The following GRID2 variants were observed in gnomAD, a reference collection of about 807,000 sequenced individuals.
GRID2 encodes the protein glutamate ionotropic receptor delta type subunit 2.
GRID2 carries 33 observed loss-of-function variants against 114.8 expected under a neutral mutation model. That is an observed-to-expected ratio of 0.29 (90% CI 0.22 to 0.38). GRID2 has a LOEUF of 0.38. Among genes scored for constraint, GRID2 ranks in the 10% least tolerant of loss-of-function variants. The pLI is 1.00. For synonymous variants in GRID2, 505 were observed against 449.9 expected, an observed-to-expected ratio of 1.12 and a Z score of -1.55; for missense variants, 1,184 against 1,257.7, an observed-to-expected ratio of 0.94 and a Z score of 0.89.
At chr4:92,779,139 T>C (rs917915791) in intron 2 of GRID2, among the ~76,000 whole-genome samples, 1 of 151,920 alleles carries the variant, frequency 6.6e-6, no homozygotes, top group Non-Finnish European at 1.5e-5. Flanking sequence ...AGCATTTCTA[T>C]TGAAGCAAAC....
intron 8 of GRID2, among the ~76,000 whole-genome samples, chr4:93,284,142 C>T (rs1752911860): frequency 6.6e-6 from 1 of 151,960 alleles, no homozygotes; most frequent in Non-Finnish European, 1.5e-5. Context: ...ATGTTTAAAT[C>T]TTCAATTTAC....
intron 1 of GRID2, among the ~76,000 whole-genome samples, chr4:92,499,036 A>C (rs1180617548): frequency 6.6e-6 from 1 of 151,790 alleles, no homozygotes; most frequent in African/African-American, 2.4e-5. Context: ...TCTAGGGACA[A>C]TCTTAATATA....
chr4:93,752,157 G>A (rs915662822), intron 14 of GRID2, among the ~76,000 whole-genome samples: 8 of 152,032 alleles, frequency 5.3e-5, no homozygotes, highest in African/African-American at 1.9e-4. Flanking sequence ...TATAACAATA[G>A]CTGCCTGGTA....
intron 13 of GRID2, among the ~76,000 whole-genome samples, chr4:93,622,959 A>ATT: frequency 6.6e-6 from 1 of 152,232 alleles, no homozygotes. Context: ...TTAAAAAATT[A>ATT]TATTTAATTT....
chr4:93,096,363 G>C (rs372996020), intron 3 of GRID2, among the ~76,000 whole-genome samples: 2 of 151,860 alleles, frequency 1.3e-5, no homozygotes, highest in Non-Finnish European at 2.9e-5. Flanking sequence ...AAATTAAAAC[G>C]TTCTGCTCAT....
At chr4:92,478,726 CT>C (rs1251373503) in intron 1 of GRID2, among the ~76,000 whole-genome samples, 4 of 152,108 alleles carry the variant, frequency 2.6e-5, no homozygotes, top group Non-Finnish European at 1.5e-5. Context: ...ATATATCTGA[CT>C]TCTTTTTTTC....
intron 10 of GRID2, 150 bp downstream of exon 10, chr4:93,423,118 G>A (rs1347357969): frequency 1.5e-5 from 9 of 605,556 alleles, no homozygotes; most frequent in Admixed American, 1.2e-4. Context: ...GTGGAATTGA[G>A]TACAAAAGTC....
chr4:92,349,632 C>T (rs139431260), intron 1 of GRID2, among the ~76,000 whole-genome samples: 148 of 150,878 alleles, frequency 9.8e-4, no homozygotes, highest in African/African-American at 3.0e-3. Flanking sequence ...TACATTTTAG[C>T]GCATTATTTT....
chr4:93,533,294 C>A (rs150098833), intron 13 of GRID2, among the ~76,000 whole-genome samples: 29 of 105,808 alleles, frequency 2.7e-4, no homozygotes, highest in Non-Finnish European at 6.3e-4. Flanking sequence ...TCCTTCCTTC[C>A]TTCCTTCCTT....
intron 2 of GRID2, among the ~76,000 whole-genome samples, chr4:92,676,474 C>T (rs1489374248): frequency 6.6e-6 from 1 of 152,108 alleles, no homozygotes; most frequent in African/African-American, 2.4e-5. Context: ...GCCACCACGC[C>T]CGGCTGAGCC....
intron 8 of GRID2, among the ~76,000 whole-genome samples, chr4:93,391,484 C>T (rs1024360080): frequency 2.0e-5 from 3 of 152,134 alleles, no homozygotes; most frequent in East Asian, 1.9e-4. Flanking sequence ...ATTTTGTGTC[C>T]GGCAGCTGGA....
chr4:92,396,246 A>G (rs963293525), intron 1 of GRID2, among the ~76,000 whole-genome samples: 1 of 151,922 alleles, frequency 6.6e-6, no homozygotes, highest in Non-Finnish European at 1.5e-5. Flanking sequence ...GTTTTATTTC[A>G]TTACTAAAAA....
chr4:92,590,123 C>A lies in GRID2; in HGVS notation c.89-8C>A. On this transcript the variant is annotated splice_region_variant and splice_polypyrimidine_tract_variant and intron_variant, in intron 1 of 15. Transcript: ENST00000282020. The stretch of plus-strand genomic sequence containing the variant: ...TATTATTTAATGGCAAAATTCACTT[C>A]TTTCTAGGAGCAATTTTTGATGAAT... 2 of 1,600,476 alleles carry A rather than the reference C, an allele frequency of 1.2e-6. No homozygotes were observed. Among genetic ancestry groups the A allele is most frequent in the Non-Finnish European group, 8.6e-7 (1 of 1,168,388 alleles).
intron 13 of GRID2, among the ~76,000 whole-genome samples, chr4:93,583,380 G>A (rs1322830432): frequency 6.6e-6 from 1 of 152,020 alleles, no homozygotes; most frequent in Non-Finnish European, 1.5e-5. Flanking sequence ...ATCATTAGCT[G>A]CTTTCTTCTT....
chr4:93,505,012 A>G (rs1194879774), intron 12 of GRID2, among the ~76,000 whole-genome samples: 2 of 152,080 alleles, frequency 1.3e-5, no homozygotes, highest in Non-Finnish European at 2.9e-5. Context: ...TTTTCTGTGA[A>G]ACAGGAGATT....
chr4:92,478,883 C>T (rs1722446037), intron 1 of GRID2, among the ~76,000 whole-genome samples: 3 of 152,096 alleles, frequency 2.0e-5, no homozygotes, highest in African/African-American at 7.2e-5. Flanking sequence ...TGGCTAGGAA[C>T]ACTCACAGCA....
At chr4:92,929,654 C>G (rs1750078966) in intron 2 of GRID2, among the ~76,000 whole-genome samples, 1 of 151,232 alleles carries the variant, frequency 6.6e-6, no homozygotes, top group Non-Finnish European at 1.5e-5. Context: ...ATTTTGAGGG[C>G]ATTGATAGTA....
chr4:92,958,123 A>G (rs1476365426), intron 2 of GRID2, among the ~76,000 whole-genome samples: 1 of 152,028 alleles, frequency 6.6e-6, no homozygotes, highest in Non-Finnish European at 1.5e-5. Flanking sequence ...ATTCTTCTAC[A>G]CCAGTAAGTA....
intron 4 of GRID2, among the ~76,000 whole-genome samples, chr4:93,128,569 C>G (rs1734513767): frequency 6.6e-6 from 1 of 152,126 alleles, no homozygotes; most frequent in Admixed American, 6.5e-5. Flanking sequence ...ATTTGTCAAT[C>G]AATCTCCCAT....
Sources: allele counts gnomAD v4.1 joint callset (sites outside exome capture counted in the v4.1 genomes callset), GRCh38; gene constraint gnomAD v4.1.1; transcripts MANE v1.5; gene names NCBI Gene and HGNC (gene_info 2026-07-23, HGNC 2026-07-21).